The following DIAPH3 variants were observed in gnomAD, a reference collection of about 807,000 sequenced individuals.
DIAPH3 encodes the protein protein diaphanous homolog 3.
A neutral mutation model predicts 144.3 loss-of-function variants in DIAPH3; 117 were observed. That is an observed-to-expected ratio of 0.81 (90% CI 0.70 to 0.95). The LOEUF (loss-of-function observed/expected upper bound fraction) is 0.95, where lower values mean the gene tolerates loss of function less well. DIAPH3 is among the 40% of genes least tolerant of loss of function. The pLI is 0.00. For synonymous variants in DIAPH3, 519 were observed against 488.9 expected (o/e 1.06, Z -0.81); for missense variants, 1,421 against 1,412.7 (o/e 1.01, Z -0.09).
chr13:59,932,346 G>A (rs908022604), intron 17 of DIAPH3, among the ~76,000 whole-genome samples: 2 of 151,866 alleles, frequency 1.3e-5, no homozygotes, highest in South Asian at 2.1e-4. Flanking sequence ...TTCTGTTTCC[G>A]TTTCTTATAT....
At position 59,745,593 on chromosome 13, in the gene DIAPH3, T is replaced by TA. The variant is rs140401490; in HGVS notation, c.3319+28595dup. Among the ~76,000 whole-genome samples, 83 of 152,278 alleles carry TA rather than the reference T, an allele frequency of 5.5e-4. 1 individual carries two copies. In the East Asian group the frequency reaches 0.015, roughly 28 times the overall value. On this transcript the variant is annotated intron_variant, in intron 27 of 27. Transcript: ENST00000400324. The stretch of plus-strand genomic sequence containing the variant: ...GTAACATATGAGGTAAGGCTGCACA[T>TA]ACAAACACAGATTAAGTTAAACAGT...
intron 24 of DIAPH3, among the ~76,000 whole-genome samples, chr13:59,824,691 C>T (rs931408896): frequency 6.6e-6 from 1 of 152,102 alleles, no homozygotes; most frequent in Non-Finnish European, 1.5e-5. Flanking sequence ...AAGTTTGGCA[C>T]ATATGTCTAT....
intron 2 of DIAPH3, among the ~76,000 whole-genome samples, chr13:60,129,579 G>A (rs903530125): frequency 2.3e-4 from 35 of 152,120 alleles, no homozygotes; most frequent in Non-Finnish European, 4.4e-5. Context: ...TTCCCGTGAT[G>A]TTTTAATGTT....
rs199537865 is a variant in DIAPH3, at chr13:59,879,355, G to T, written c.2481C>A (p.Cys827Ter). The change falls in exon 21 of 28, where the codon TGC (cysteine) becomes TGA (stop). Residue 827 changes from cysteine to a stop codon, truncating the protein, a stop_gained. Coordinates refer to ENST00000400324, the MANE Select transcript of DIAPH3 (RefSeq NM_001042517.2). LOFTEE classifies it high-confidence loss of function. ...KPDIMAVSTACEEIKKSKSFS... is the reference protein window; with the variant it reads ...KPDIMAVSTA ...AGCTTTTGCTCTTCTTTATCTCTTC[G>T]CAGGCAGTACTGACAGCCATGATGT... 1.2e-6 allele frequency: 2 copies of T among 1,613,736 alleles called. No homozygotes were observed. The highest frequency in any genetic ancestry group is 1.1e-5 in the South Asian group (1 of 91,066).
chr13:59,761,997 C>T (rs950607828), intron 27 of DIAPH3, among the ~76,000 whole-genome samples: 1 of 151,668 alleles, frequency 6.6e-6, no homozygotes, highest in South Asian at 2.1e-4. Context: ...TAGTGTCCCC[C>T]ATAGCCAAAG....
At chr13:59,814,015 G>A (rs1388657073) in intron 24 of DIAPH3, among the ~76,000 whole-genome samples, 1 of 152,010 alleles carries the variant, frequency 6.6e-6, no homozygotes, top group African/African-American at 2.4e-5. Context: ...ATAGAGAAAG[G>A]AAAAGCAAAT....
intron 17 of DIAPH3, among the ~76,000 whole-genome samples, chr13:59,965,895 TG>T (rs1389055092): frequency 6.6e-6 from 1 of 151,968 alleles, no homozygotes; most frequent in African/African-American, 2.4e-5. Flanking sequence ...AGTTATTGAG[TG>T]GAACAGTGGT....
intron 25 of DIAPH3, among the ~76,000 whole-genome samples, chr13:59,795,609 A>C (rs994610951): frequency 6.6e-6 from 1 of 151,790 alleles, no homozygotes; most frequent in Non-Finnish European, 1.5e-5. Context: ...GGCCGCCACC[A>C]TTCCAGGCTA....
At chr13:59,894,571 T>A (rs1370258350) in intron 20 of DIAPH3, among the ~76,000 whole-genome samples, 7 of 85,366 alleles carry the variant, frequency 8.2e-5, no homozygotes, top group African/African-American at 3.3e-4. Context: ...AAGTCTCCCC[T>A]GCCCCCCCAC....
intron 1 of DIAPH3, among the ~76,000 whole-genome samples, chr13:60,161,101 A>G (rs574151542): frequency 6.6e-6 from 1 of 152,290 alleles, no homozygotes; most frequent in East Asian, 1.9e-4. Context: ...TGCTTTGCAG[A>G]AGTGTGCAAA....
At chr13:59,954,587 T>C (rs1203592836) in intron 17 of DIAPH3, among the ~76,000 whole-genome samples, 4 of 152,120 alleles carry the variant, frequency 2.6e-5, no homozygotes, top group Non-Finnish European at 5.9e-5. Flanking sequence ...TATTAAATAA[T>C]ATAGGTGTGT....
chr13:60,145,082 C>T (rs916232244), intron 1 of DIAPH3, among the ~76,000 whole-genome samples: 7 of 152,158 alleles, frequency 4.6e-5, no homozygotes, highest in African/African-American at 9.7e-5. Flanking sequence ...ACCCTAAAAA[C>T]TCGCTATTAT....
intron 4 of DIAPH3, among the ~76,000 whole-genome samples, chr13:60,085,343 G>A (rs1302073369): frequency 2.6e-5 from 4 of 151,926 alleles, no homozygotes; most frequent in African/African-American, 2.4e-5. Flanking sequence ...ATAGTAAATG[G>A]TCCATGCTTA....
chr13:59,732,599 G>A (rs372819205), intron 27 of DIAPH3, among the ~76,000 whole-genome samples: 54 of 151,616 alleles, frequency 3.6e-4, no homozygotes, highest in African/African-American at 1.1e-3. Flanking sequence ...ACTCCAACCC[G>A]GCCTGCTAGT....
intron 3 of DIAPH3, among the ~76,000 whole-genome samples, chr13:60,107,440 G>A (rs1045178267): frequency 1.3e-5 from 2 of 151,992 alleles, no homozygotes; most frequent in African/African-American, 2.4e-5. Context: ...TTGTATGCCT[G>A]AAATACTGTA....
At chr13:60,052,057 A>G (rs2056371556) in intron 4 of DIAPH3, among the ~76,000 whole-genome samples, 1 of 152,178 alleles carries the variant, frequency 6.6e-6, no homozygotes, top group Non-Finnish European at 1.5e-5. Flanking sequence ...GCAGATGCAG[A>G]GGAGGGGGCA....
intron 20 of DIAPH3, among the ~76,000 whole-genome samples, chr13:59,883,363 T>C (rs2045214220): frequency 6.6e-6 from 1 of 152,330 alleles, no homozygotes; most frequent in Admixed American, 6.5e-5. Context: ...CATTTTCTTT[T>C]ATAAATACAG....
At chr13:60,081,952 G>C (rs1334564644) in intron 4 of DIAPH3, among the ~76,000 whole-genome samples, 2 of 151,374 alleles carry the variant, frequency 1.3e-5, no homozygotes, top group Middle Eastern at 3.2e-3. Flanking sequence ...TGAAGAGAAA[G>C]TGCTGAAAGT....
intron 7 of DIAPH3, among the ~76,000 whole-genome samples, chr13:60,011,975 T>C (rs952841149): frequency 3.3e-5 from 5 of 152,080 alleles, no homozygotes; most frequent in African/African-American, 4.8e-5. Context: ...ACAGTACTAT[T>C]TATCTAGCAT....
Sources: allele counts gnomAD v4.1 joint callset (sites outside exome capture counted in the v4.1 genomes callset), GRCh38; gene constraint gnomAD v4.1.1; transcripts MANE v1.5; gene names NCBI Gene and HGNC (gene_info 2026-07-23, HGNC 2026-07-21).